Variants in DST observed in about 807,000 individuals in gnomAD.
DST encodes bullous pemphigoid antigen.
In DST, 253 loss-of-function variants were observed where a neutral mutation model predicts 875.2. The observed-to-expected ratio is 0.29, with a 90% CI of 0.26 to 0.32. The LOEUF is 0.32. DST is among the 10% of genes least tolerant of loss of function. DST has a pLI of 1.00. For synonymous variants in DST, 3,124 were observed against 3,197.1 expected (o/e 0.98, Z 0.77); for missense variants, 8,287 against 9,111.6 (o/e 0.91, Z 3.68).
At chr6:56,870,139 A>C (rs1776309715) in intron 3 of DST, among the ~76,000 whole-genome samples, 1 of 152,144 alleles carries the variant, frequency 6.6e-6, no homozygotes, top group Non-Finnish European at 1.5e-5. Flanking sequence ...TTCCTAGGCC[A>C]ACTAAGAATC....
At chr6:56,463,441 T>G (rs1354118478) in intron 101 of DST, 124 bp downstream of exon 101, 5 of 960,560 alleles carry the variant, frequency 5.2e-6, no homozygotes, top group Non-Finnish European at 7.5e-6. Flanking sequence ...TCCCACAGTA[T>G]GAGAAGGTGC....
rs1217782363 is a variant in DST at position 56,604,285 on chromosome 6, A to G, written c.10343T>C (p.Ile3448Thr). 7 of 1,612,152 alleles carry G rather than the reference A, an allele frequency of 4.3e-6. No individual in the cohort carries two copies. Among genetic ancestry groups the G allele is most frequent in the Admixed American group, 3.3e-5 (2 of 59,746 alleles). ...GNLKSELLLN[I>T]LKQDQHSQKI... is the part of the protein sequence containing the mutation. ...TTGGCTATGTTGATCTTGCTTCAAT[A>G]TATTAAGGAGAAGCTCAGACTTAAG... The change falls in exon 40 of 104, where the codon ATA (isoleucine) becomes ACA (threonine). Residue 3448 changes from isoleucine to threonine, a missense_variant. Coordinates refer to ENST00000680361, the MANE Select transcript of DST (RefSeq NM_001374736.1).
chr6:56,951,731 A>T (rs1822432255), intron 2 of DST, among the ~76,000 whole-genome samples: 1 of 152,228 alleles, frequency 6.6e-6, no homozygotes, highest in South Asian at 2.1e-4. Context: ...AAATTAAACT[A>T]ATATTGCATT....
intron 36 of DST, chr6:56,620,616 T>C: frequency 4.3e-6 from 7 of 1,614,158 alleles, no homozygotes; most frequent in Non-Finnish European, 5.9e-6. Context: ...AACTCACTTA[T>C]CTTTCCTGTA....
chr6:56,485,370 T>C lies in DST; in HGVS notation c.21149A>G (p.Glu7050Gly). Residue 7050 changes from glutamate (E) to glycine (G), a missense_variant, in exon 88 of 104, where the codon GAA becomes GGA. Coordinates refer to ENST00000680361, the MANE Select transcript of DST (RefSeq NM_001374736.1). The stretch of plus-strand genomic sequence containing the variant: ...AATGTCTCCATGAACAGGCTGGTCT[T>C]CTGCCAGCTGGGGTTCAACTCTATA... Reference protein sequence around the residue: ...WLYRVEPQLAEDQPVHGDIDL... With the variant: ...WLYRVEPQLAGDQPVHGDIDL... 4 of 1,613,932 alleles carry C rather than the reference T, an allele frequency of 2.5e-6. No individual in the cohort carries two copies. The highest frequency in any genetic ancestry group is 3.4e-6 in the Non-Finnish European group (4 of 1,179,836).
intron 88 of DST, chr6:56,484,048 C>T (rs75637884): frequency 0.11 from 16,277 of 152,172 alleles, 948 homozygotes; most frequent in Middle Eastern, 0.15. Flanking sequence ...TTGAGCCTTC[C>T]AGTTGTATTA....
intron 4 of DST, among the ~76,000 whole-genome samples, chr6:56,811,426 A>C (rs1259258601): frequency 6.6e-6 from 1 of 152,198 alleles, no homozygotes; most frequent in Non-Finnish European, 1.5e-5. Context: ...GTAAAACGTC[A>C]GGATGCTATA....
At chr6:56,851,091 G>A (rs2127577260) in intron 4 of DST, 1 of 381,026 alleles carries the variant, frequency 2.6e-6, no homozygotes, top group African/African-American at 2.0e-5. Context: ...CTTTCAGAAT[G>A]TTATGGTAAC....
chr6:56,709,986 G>A (rs150687345), intron 5 of DST, among the ~76,000 whole-genome samples: 26 of 152,284 alleles, frequency 1.7e-4, no homozygotes, highest in African/African-American at 6.3e-4. Context: ...GGAACGATGC[G>A]CCGGTGGACA....
intron 49 of DST, among the ~76,000 whole-genome samples, chr6:56,584,537 A>G (rs1357583160): frequency 1.3e-5 from 2 of 150,614 alleles, no homozygotes; most frequent in Non-Finnish European, 2.9e-5. Flanking sequence ...TGTTGCCTGC[A>G]AACAGGGACA....
intron 4 of DST, among the ~76,000 whole-genome samples, chr6:56,804,568 C>G (rs71564857): frequency 6.6e-6 from 1 of 152,108 alleles, no homozygotes; most frequent in Non-Finnish European, 1.5e-5. Context: ...TAAAATTCCA[C>G]TGCAATAGTA....
Position 56,573,781 on chromosome 6 carries a change from A to G in DST, c.13134T>C (p.Asp4378=), listed in dbSNP as rs1326477305. ...CATTTCCCATCCAGTCCAGCATTTC[A>G]TCCAAGCCATCCTGCACACTCAGTG... is the stretch of plus-strand genomic sequence containing the variant. ...TRSLSVQDGL[D]EMLDWMGNVE... Residue 4378 remains aspartate, a synonymous_variant, in exon 51 of 104, where the codon GAT becomes GAC. Transcript: ENST00000680361. The G allele has an allele frequency of 6.2e-7, 1 of 1,613,624 alleles. No homozygotes were observed. Among genetic ancestry groups the G allele is most frequent in the Non-Finnish European group, 8.5e-7 (1 of 1,179,702 alleles).
chr6:56,500,929 A>T, intron 80 of DST, 151 bp downstream of exon 80: 1 of 717,264 alleles, frequency 1.4e-6, no homozygotes. Context: ...ATAATGTTTT[A>T]AGTAGTTAAC....
At chr6:56,470,714 T>C (rs1047350751) in intron 95 of DST, among the ~76,000 whole-genome samples, 19 of 149,122 alleles carry the variant, frequency 1.3e-4, no homozygotes, top group African/African-American at 3.7e-4. Context: ...CAAAGTTAGA[T>C]CAGAATGTGA....
At chr6:56,469,795 G>GTAAAAAAATA in intron 97 of DST, 88 bp downstream of exon 97, 1 of 1,146,042 alleles carries the variant, frequency 8.7e-7, no homozygotes, top group Admixed American at 1.8e-5. Context: ...AAATAAATAA[G>GTAAAAAAATA]ACTCCTGGAA....
chr6:56,517,999 A>G (rs1015454212), intron 69 of DST, among the ~76,000 whole-genome samples: 3 of 152,152 alleles, frequency 2.0e-5, no homozygotes, highest in East Asian at 1.9e-4. Context: ...TTCAACTCCT[A>G]TGATATGCAA....
chr6:56,720,556 C>T (rs562984776), intron 5 of DST, among the ~76,000 whole-genome samples: 22 of 152,172 alleles, frequency 1.4e-4, no homozygotes, highest in African/African-American at 5.3e-4. Flanking sequence ...GGTGATGACT[C>T]TTAACCAGCA....
intron 3 of DST, chr6:56,871,067 T>C (rs915802622): frequency 1.9e-5 from 9 of 466,606 alleles, no homozygotes; most frequent in Non-Finnish European, 3.5e-5. Context: ...GCAAATGAAA[T>C]GGACAGACAT....
intron 3 of DST, among the ~76,000 whole-genome samples, chr6:56,870,809 C>G (rs1167047983): frequency 6.6e-6 from 1 of 151,894 alleles, no homozygotes; most frequent in African/African-American, 2.4e-5. Flanking sequence ...ACAACAGACA[C>G]AAATCCATAG....
Sources: allele counts gnomAD v4.1 joint callset (sites outside exome capture counted in the v4.1 genomes callset), GRCh38; gene constraint gnomAD v4.1.1; transcripts MANE v1.5; gene names NCBI Gene and HGNC (gene_info 2026-07-23, HGNC 2026-07-21).